Variants in NR5A2 observed in about 807,000 individuals in gnomAD.
The protein encoded by NR5A2 is CYP7A promoter-binding factor.
Under a neutral mutation model 62.7 loss-of-function variants are expected in NR5A2, and 26 were observed. The ratio of observed to expected loss-of-function variants is 0.41; its 90% CI spans 0.30 to 0.58. The LOEUF is 0.58. Ranked by LOEUF, NR5A2 falls within the 20% of genes least tolerant of loss-of-function variation. The pLI, the probability that NR5A2 is intolerant of heterozygous loss-of-function variation, is 0.22. For synonymous variants in NR5A2, 246 were observed against 241.7 expected (o/e 1.02, Z -0.16); for missense variants, 541 against 669.1 (o/e 0.81, Z 2.11).
intron 5 of NR5A2, among the ~76,000 whole-genome samples, chr1:200,056,509 C>A (rs1662923261): frequency 6.6e-6 from 1 of 152,174 alleles, no homozygotes; most frequent in Non-Finnish European, 1.5e-5. Flanking sequence ...CACCCCAGTC[C>A]CTGCCAATCC....
Position 200,045,478 on chromosome 1 carries a change from G to A in NR5A2, c.357G>A (p.Arg119=). 6.2e-7 allele frequency: 1 copy of A among 1,612,184 alleles called. No individual in the cohort carries two copies. The highest frequency in any genetic ancestry group is 1.7e-4 in the Middle Eastern group (1 of 6,054). Reference sequence around the variant, plus strand: ...AGCGAACAGTCCAAAATAATAAAAGGTACACATGTATAGAAAACCAGAACT... The same window carrying A: ...AGCGAACAGTCCAAAATAATAAAAGATACACATGTATAGAAAACCAGAACT... ...FFKRTVQNNK[R]YTCIENQNCQ... Residue 119 remains arginine (R), a synonymous_variant, in exon 4 of 8, where the codon AGG becomes AGA. Coordinates refer to ENST00000367362, the MANE Select transcript of NR5A2 (RefSeq NM_205860.3).
intron 7 of NR5A2, among the ~76,000 whole-genome samples, chr1:200,150,532 G>A (rs1158130804): frequency 6.6e-6 from 1 of 152,102 alleles, no homozygotes; most frequent in Non-Finnish European, 1.5e-5. Context: ...GTAATTAATG[G>A]GCTAATTACG....
chr1:200,128,125 C>G (rs1666809926), intron 7 of NR5A2, among the ~76,000 whole-genome samples: 1 of 152,010 alleles, frequency 6.6e-6, no homozygotes, highest in African/African-American at 2.4e-5. Flanking sequence ...TTCCAGCACC[C>G]CTGTTTATAC....
At chr1:200,141,533 C>G (rs1381264113) in intron 7 of NR5A2, among the ~76,000 whole-genome samples, 1 of 152,098 alleles carries the variant, frequency 6.6e-6, no homozygotes, top group African/African-American at 2.4e-5. Flanking sequence ...GAGTTGTATA[C>G]ATTCAGTTTT....
chr1:200,148,624 GAAGTT>G (rs749208863), intron 7 of NR5A2, among the ~76,000 whole-genome samples: 1 of 152,184 alleles, frequency 6.6e-6, no homozygotes, highest in African/African-American at 2.4e-5. Flanking sequence ...CAAAAATAAA[GAAGTT>G]AAGTGAAGCG....
chr1:200,064,391 A>G (rs1043624790), intron 5 of NR5A2, among the ~76,000 whole-genome samples: 4 of 152,208 alleles, frequency 2.6e-5, no homozygotes, highest in Non-Finnish European at 5.9e-5. Context: ...CCCATAGACA[A>G]CAAGGTGAGA....
chr1:200,079,799 G>C (rs1006059775), intron 5 of NR5A2, among the ~76,000 whole-genome samples: 1 of 152,160 alleles, frequency 6.6e-6, no homozygotes, highest in East Asian at 1.9e-4. Flanking sequence ...CTTTTGAACC[G>C]TGAGGCAAGT....
chr1:200,141,786 AC>A (rs1667450822), intron 7 of NR5A2, among the ~76,000 whole-genome samples: 2 of 152,302 alleles, frequency 1.3e-5, no homozygotes, highest in Admixed American at 6.5e-5. Flanking sequence ...TGAATATAAA[AC>A]TTGAAGTTGA....
intron 5 of NR5A2, among the ~76,000 whole-genome samples, chr1:200,076,470 T>TG (rs397706815): frequency 6.6e-6 from 1 of 151,992 alleles, no homozygotes; most frequent in Non-Finnish European, 1.5e-5. Context: ...TTTTTTTTTT[T>TG]GTCTGCAGGC....
intron 5 of NR5A2, among the ~76,000 whole-genome samples, chr1:200,092,168 A>G (rs1178584168): frequency 6.6e-6 from 1 of 152,200 alleles, no homozygotes; most frequent in African/African-American, 2.4e-5. Context: ...CACCTTTAGT[A>G]AAAAACAAAA....
Position 200,029,021 on chromosome 1 carries a change from A to G in NR5A2, c.64+1110A>G, listed in dbSNP as rs570558697. The G allele has an allele frequency of 1.8e-4, 79 of 439,718 alleles. 1 individual carries two copies. The highest frequency in any genetic ancestry group is 1.2e-3 in the South Asian group (76 of 63,494). The allele number at this position is 439,718 out of a possible 1,614,324, so 27.2% of individuals were successfully genotyped here. ...GTAAGCAGGGTGTAACACACAATCAATTGTTCTGCAGATAACACAGAAAAT... is the reference window on the plus strand; with the variant it reads ...GTAAGCAGGGTGTAACACACAATCAGTTGTTCTGCAGATAACACAGAAAAT... On this transcript the variant is annotated intron_variant, in intron 1 of 7. Transcript: ENST00000367362.
chr1:200,120,733 C>T (rs1666441705), intron 6 of NR5A2, 75 bp from the exon 7 acceptor site: 2 of 1,414,724 alleles, frequency 1.4e-6, no homozygotes, highest in African/African-American at 1.5e-5. Flanking sequence ...TGATTTTACC[C>T]ATAGTTCTTA....
chr1:200,047,217 A>G (rs756019946), intron 4 of NR5A2, among the ~76,000 whole-genome samples: 3 of 152,240 alleles, frequency 2.0e-5, no homozygotes, highest in Non-Finnish European at 4.4e-5. Flanking sequence ...CCACTGTCGC[A>G]GAAGACTCTC....
intron 6 of NR5A2, among the ~76,000 whole-genome samples, chr1:200,113,593 G>C (rs911211237): frequency 2.0e-5 from 3 of 152,256 alleles, no homozygotes; most frequent in African/African-American, 7.2e-5. Context: ...TATCCTCACA[G>C]TACCTAGCAC....
At chr1:200,060,326 A>G (rs910614385) in intron 5 of NR5A2, among the ~76,000 whole-genome samples, 18 of 152,150 alleles carry the variant, frequency 1.2e-4, no homozygotes, top group Admixed American at 5.9e-4. Flanking sequence ...AAGTCTGAGA[A>G]TGGGTGGAGC....
chr1:200,092,027 C>T (rs1664841868), intron 5 of NR5A2, among the ~76,000 whole-genome samples: 1 of 152,130 alleles, frequency 6.6e-6, no homozygotes, highest in Admixed American at 6.5e-5. Context: ...TTTAACAGGA[C>T]CCCCAGGTGA....
chr1:200,074,036 T>C (rs1663883258), intron 5 of NR5A2, among the ~76,000 whole-genome samples: 1 of 152,184 alleles, frequency 6.6e-6, no homozygotes. Context: ...AGAATTCCTC[T>C]TGAATTTTTC....
chr1:200,102,635 A>G (rs536751059), intron 5 of NR5A2, among the ~76,000 whole-genome samples: 6 of 152,134 alleles, frequency 3.9e-5, no homozygotes, highest in African/African-American at 9.6e-5. Context: ...TTTACTTCCA[A>G]TTTTACTTCC....
intron 7 of NR5A2, among the ~76,000 whole-genome samples, chr1:200,127,689 A>ATATAT (rs1666768016): frequency 6.5e-5 from 4 of 61,398 alleles, no homozygotes; most frequent in African/African-American, 1.1e-4. Context: ...AAAAAAAAAA[A>ATATAT]AAAAAAAAAA....
Sources: gnomAD v4.1 joint callset for allele counts (sites outside exome capture counted in the v4.1 genomes callset) on GRCh38, gnomAD v4.1.1 for gene constraint, MANE v1.5 for transcripts, NCBI Gene and HGNC (gene_info 2026-07-23, HGNC 2026-07-21) for gene names.